TRIM9: variants seen among roughly 807,000 people sequenced by gnomAD.
TRIM9 encodes the protein tripartite motif containing 9.
A neutral mutation model predicts 78.3 loss-of-function variants in TRIM9; 26 were observed. The observed-to-expected ratio is 0.33, with a 90% CI of 0.24 to 0.46. TRIM9 has a LOEUF of 0.46. TRIM9 is among the 20% of genes least tolerant of loss of function. The probability of loss-of-function intolerance (pLI) is 1.00; values close to 1 mark genes in which losing one functional copy is unlikely to be tolerated. For missense variants in TRIM9, 787 were observed against 1,036.4 expected, an observed-to-expected ratio of 0.76 and a Z score of 3.30; for synonymous variants, 398 against 416.5, an observed-to-expected ratio of 0.96 and a Z score of 0.54.
At chr14:51,021,593 C>T (rs191730694) in intron 3 of TRIM9, among the ~76,000 whole-genome samples, 68 of 152,292 alleles carry the variant, frequency 4.5e-4, no homozygotes, top group Admixed American at 1.6e-3. Context: ...GCACTATGAG[C>T]GTAAGACCAG....
chr14:50,977,189 A>G lies in TRIM9; in HGVS notation c.*102T>C. The G allele has an allele frequency of 1.1e-6, 1 of 948,198 alleles. No homozygotes were observed. The highest frequency in any genetic ancestry group is 1.5e-6 in the Non-Finnish European group (1 of 682,780). The allele number at this position is 948,198 out of a possible 1,614,324, so 58.7% of individuals were successfully genotyped here. The stretch of plus-strand genomic sequence containing the variant: ...CCAGCTTTTCTCTCCTCCTTCTCCC[A>G]CTCCTGCCAACTCTGCACCCCACCA... On this transcript the variant is annotated 3_prime_UTR_variant, in exon 13 of 13. Coordinates refer to ENST00000684578, the MANE Select transcript of TRIM9 (RefSeq NM_001387360.1).
At position 50,976,544 on chromosome 14, in the gene TRIM9, A is replaced by G. The variant is rs2051102817; in HGVS notation, c.*747T>C. 1 of 152,520 alleles carries G rather than the reference A, an allele frequency of 6.6e-6. No homozygotes were observed. Among genetic ancestry groups the G allele is most frequent in the African/African-American group, 2.4e-5 (1 of 41,430 alleles). 9.4% of individuals were successfully genotyped at this position (152,520 alleles called of 1,614,324 possible). A position where few individuals can be genotyped will look rare whatever the true frequency, so the allele number is the denominator to read the frequency against. On this transcript the variant is annotated 3_prime_UTR_variant, in exon 13 of 13. Coordinates refer to ENST00000684578, the MANE Select transcript of TRIM9 (RefSeq NM_001387360.1). The stretch of plus-strand genomic sequence containing the variant: ...TGGTCAATAGTAGGTTCTCAATTAA[A>G]AGCTTTTATTAAATAAACGAACCAA...
intron 1 of TRIM9, among the ~76,000 whole-genome samples, chr14:51,043,175 A>G (rs1203052190): frequency 6.6e-6 from 1 of 152,212 alleles, no homozygotes. Context: ...TCTATTATAT[A>G]TTTTGAATGA....
chr14:50,979,397 C>T lies in TRIM9; in HGVS notation c.2315G>A (p.Arg772Lys). ...GGGCAGGGTGCTTACCTGCACGTTC[C>T]TGTTCAGGCTGACCGCAGGGAAGAA... ...GLFFPAVSLN[R>K]NVQVTLHTGL... is the part of the protein sequence containing the mutation. Residue 772 changes from arginine to lysine, a missense_variant, in exon 12 of 13, where the codon AGG (arginine) becomes AAG (lysine). This residue lies in a region of TRIM9 where 421 missense variants were observed against 514.3 expected (regional missense o/e 0.82). Coordinates refer to ENST00000684578, the MANE Select transcript of TRIM9 (RefSeq NM_001387360.1). The T allele has an allele frequency of 6.2e-7, 1 of 1,614,192 alleles. No homozygotes were observed. Among genetic ancestry groups the T allele is most frequent in the Non-Finnish European group, 8.5e-7 (1 of 1,180,044 alleles).
At chr14:51,071,249 G>A (rs2062210435) in intron 1 of TRIM9, among the ~76,000 whole-genome samples, 1 of 151,828 alleles carries the variant, frequency 6.6e-6, no homozygotes, top group Non-Finnish European at 1.5e-5. Context: ...GGTGGCACAT[G>A]CCTGTAATCC....
intron 1 of TRIM9, among the ~76,000 whole-genome samples, chr14:51,064,891 C>A (rs1475988720): frequency 6.6e-6 from 1 of 151,854 alleles, no homozygotes; most frequent in African/African-American, 2.4e-5. Flanking sequence ...TATCATAAAT[C>A]ATAAATATTG....
chr14:51,094,532 G>C lies in TRIM9; in HGVS notation c.408C>G (p.Ile136Met). 1 of 1,613,492 alleles carries C rather than the reference G, an allele frequency of 6.2e-7. No homozygotes were observed. The change falls in exon 1 of 13, where the codon ATC becomes ATG. Residue 136 changes from isoleucine to methionine, a missense_variant. This residue lies in a region of TRIM9 where 352 missense variants were observed against 472.3 expected (regional missense o/e 0.75). Transcript: ENST00000684578. Reference sequence around the variant, plus strand: ...AGCCGCGGAGCCCCCGGTCATCCAGGATGAGGCTGCGGTGACACTGGGGGC... The same window carrying C: ...AGCCGCGGAGCCCCCGGTCATCCAGCATGAGGCTGCGGTGACACTGGGGGC... ...ITCPQCHRSL[I>M]LDDRGLRGFP...
At chr14:51,010,348 A>G in intron 4 of TRIM9, 36 bp downstream of exon 4, 1 of 1,542,624 alleles carries the variant, frequency 6.5e-7, no homozygotes, top group South Asian at 1.1e-5. Flanking sequence ...CCTATGGGAC[A>G]TTTAGAATCT....
At chr14:51,086,276 G>C (rs1194706938) in intron 1 of TRIM9, among the ~76,000 whole-genome samples, 3 of 152,148 alleles carry the variant, frequency 2.0e-5, no homozygotes, top group African/African-American at 7.2e-5. Flanking sequence ...ATTACAACGG[G>C]TGTGACTTCA....
chr14:51,055,340 G>C (rs1475229697), intron 1 of TRIM9, among the ~76,000 whole-genome samples: 2 of 152,186 alleles, frequency 1.3e-5, no homozygotes, highest in East Asian at 3.8e-4. Flanking sequence ...ATTATAAAAT[G>C]TGTGTGGTAG....
intron 1 of TRIM9, among the ~76,000 whole-genome samples, chr14:51,071,397 A>G (rs910051127): frequency 6.6e-6 from 1 of 151,216 alleles, no homozygotes; most frequent in Non-Finnish European, 1.5e-5. Flanking sequence ...GAAAAAAAAA[A>G]AAAAAAGACA....
intron 2 of TRIM9, among the ~76,000 whole-genome samples, chr14:51,024,761 GAAGA>G (rs993013702): frequency 2.6e-5 from 4 of 151,012 alleles, no homozygotes; most frequent in African/African-American, 9.8e-5. Context: ...AGGAAGAAAA[GAAGA>G]AAGAAAGGCA....
intron 1 of TRIM9, among the ~76,000 whole-genome samples, chr14:51,047,874 G>A (rs1476520507): frequency 6.6e-6 from 1 of 151,464 alleles, no homozygotes; most frequent in Non-Finnish European, 1.5e-5. Context: ...TTCTCATACA[G>A]TTTATCTTTT....
chr14:51,046,582 G>T (rs1273215468), intron 1 of TRIM9, among the ~76,000 whole-genome samples: 3 of 152,162 alleles, frequency 2.0e-5, no homozygotes, highest in Admixed American at 1.3e-4. Flanking sequence ...AATACTCTTG[G>T]TCTTCTATTC....
At chr14:51,027,837 C>G (rs1399422653) in intron 1 of TRIM9, among the ~76,000 whole-genome samples, 1 of 150,050 alleles carries the variant, frequency 6.7e-6, no homozygotes, top group Non-Finnish European at 1.5e-5. Context: ...GAACTCATAT[C>G]TTTTTTTTTT....
intron 1 of TRIM9, among the ~76,000 whole-genome samples, chr14:51,083,334 C>T (rs1431918515): frequency 6.6e-6 from 1 of 152,134 alleles, no homozygotes; most frequent in East Asian, 1.9e-4. Context: ...TCACTGTAAT[C>T]TCGAACTCCT....
intron 4 of TRIM9, among the ~76,000 whole-genome samples, chr14:51,010,018 C>G (rs1036428327): frequency 6.6e-6 from 1 of 150,810 alleles, no homozygotes; most frequent in Non-Finnish European, 1.5e-5. Context: ...CAAAACTGCC[C>G]AAGAGATATT....
intron 1 of TRIM9, among the ~76,000 whole-genome samples, chr14:51,062,304 G>A (rs8008638): frequency 0.2 from 29,954 of 152,080 alleles, 3,126 homozygotes; most frequent in Non-Finnish European, 0.24. Flanking sequence ...TGGGCATGCC[G>A]TGTAGACTGC....
chr14:51,042,806 G>A lies in TRIM9; in HGVS notation c.823-17446C>T, dbSNP rs117281002. Among the ~76,000 whole-genome samples the A allele has an allele frequency of 4.3e-4, 66 of 152,188 alleles. No homozygotes were observed. In the East Asian group the frequency reaches 0.012, roughly 27 times the overall value. On this transcript the variant is annotated intron_variant, in intron 1 of 12. Transcript: ENST00000684578. ...CAGGACCCCAAGACTAACCTACTCT[G>A]GTACAGACCTGCTCCTGGCAGTTCC...
Sources: allele counts gnomAD v4.1 joint callset (sites outside exome capture counted in the v4.1 genomes callset), GRCh38; gene constraint gnomAD v4.1.1; regional missense constraint gnomAD v4.1.1; transcripts MANE v1.5; gene names NCBI Gene and HGNC (gene_info 2026-07-23, HGNC 2026-07-21).